BRWD1: variants seen among roughly 807,000 people sequenced by gnomAD.
The protein encoded by BRWD1 is bromodomain and WD repeat-containing protein 1.
A neutral mutation model predicts 251.2 loss-of-function variants in BRWD1; 82 were observed. The observed-to-expected ratio is 0.33, with a 90% CI of 0.27 to 0.39. The LOEUF (loss-of-function observed/expected upper bound fraction) is 0.39. Ranked by LOEUF, BRWD1 falls within the 10% of genes least tolerant of loss-of-function variation. The pLI is 1.00. For synonymous variants in BRWD1, 918 were observed against 902.8 expected, an observed-to-expected ratio of 1.02 and a Z score of -0.30; for missense variants, 2,233 against 2,711.6, an observed-to-expected ratio of 0.82 and a Z score of 3.92.
chr21:39,208,404 G>A (rs942193198), intron 36 of BRWD1, among the ~76,000 whole-genome samples: 1 of 152,326 alleles, frequency 6.6e-6, no homozygotes, highest in South Asian at 2.1e-4. Flanking sequence ...CTCAAATTGA[G>A]ACCAGAGGCA....
intron 21 of BRWD1, 55 bp from the exon 22 acceptor site, chr21:39,238,628 TC>T: frequency 8.1e-7 from 1 of 1,240,182 alleles, no homozygotes; most frequent in Non-Finnish European, 1.2e-6. Context: ...ACAACACATG[TC>T]CAGAAAAAAG....
At chr21:39,211,788 T>C (rs1488364353) in intron 34 of BRWD1, among the ~76,000 whole-genome samples, 1 of 152,162 alleles carries the variant, frequency 6.6e-6, no homozygotes, top group African/African-American at 2.4e-5. Context: ...GGTATAACTT[T>C]TCAGTGTTCT....
At chr21:39,249,037 A>AC (rs2034303623) in intron 20 of BRWD1, among the ~76,000 whole-genome samples, 1 of 152,166 alleles carries the variant, frequency 6.6e-6, no homozygotes, top group Non-Finnish European at 1.5e-5. Flanking sequence ...CAGCCATAAA[A>AC]AAAAAACGAG....
chr21:39,282,028 A>G (rs1440579258), intron 8 of BRWD1, among the ~76,000 whole-genome samples: 2 of 151,772 alleles, frequency 1.3e-5, no homozygotes, highest in East Asian at 1.9e-4. Flanking sequence ...ACGTCTATGT[A>G]TAAGTATATG....
intron 29 of BRWD1, among the ~76,000 whole-genome samples, chr21:39,221,017 T>C (rs944524044): frequency 6.6e-6 from 1 of 152,004 alleles, no homozygotes; most frequent in African/African-American, 2.4e-5. Flanking sequence ...TAGCCAGGCA[T>C]GGTGGCACAC....
In BRWD1 at chr21:39,196,715, T is replaced by C. The variant is rs200814449; in HGVS notation, c.6354A>G (p.Ser2118=). The C allele has an allele frequency of 6.2e-7, 1 of 1,613,902 alleles. No homozygotes were observed. Among genetic ancestry groups the C allele is most frequent in the East Asian group, 2.2e-5 (1 of 44,880 alleles). ...PFSKTKVIHD[S]QETAEKEVKR... is the part of the protein sequence containing the mutation. ...TTACTTCCTTCTCTGCTGTTTCCTG[T>C]GAATCATGAATCACTTTTGTCTTAC... Residue 2118 remains serine, a synonymous_variant, in exon 41 of 41, where the codon TCA becomes TCG. Transcript: ENST00000342449.
chr21:39,234,350 C>CT (rs1236867797), intron 23 of BRWD1, among the ~76,000 whole-genome samples: 2 of 152,016 alleles, frequency 1.3e-5, no homozygotes, highest in Non-Finnish European at 2.9e-5. Context: ...GATTTAGAAT[C>CT]TTTTTTACTG....
intron 4 of BRWD1, among the ~76,000 whole-genome samples, chr21:39,301,978 GTTTTTTTT>G (rs750413248): frequency 3.8e-5 from 3 of 79,866 alleles, no homozygotes; most frequent in Non-Finnish European, 6.6e-5. Flanking sequence ...AGCTTTGTGT[GTTTTTTTT>G]TTTTTTTTTT....
At position 39,248,202 on chromosome 21, in the gene BRWD1, TCTCA is replaced by T. The variant is rs1355494026; in HGVS notation, c.2350-374_2350-371del. 2.6e-5 allele frequency among the ~76,000 whole-genome samples: 4 copies of T among 152,162 alleles called. No homozygotes were observed. In the East Asian group the frequency reaches 7.7e-4, roughly 29 times the overall value. ...GCAGTAAGCAACTTCTCAAGGAATT[TCTCA>T]CTATCTCTATACATAGGTGTAAAGA... On this transcript the variant is annotated intron_variant, in intron 20 of 40. Transcript: ENST00000342449.
intron 10 of BRWD1, among the ~76,000 whole-genome samples, chr21:39,277,603 G>A (rs531292002): frequency 2.6e-5 from 4 of 152,090 alleles, no homozygotes; most frequent in East Asian, 3.9e-4. Flanking sequence ...TCACTCTGTC[G>A]CCCAGTCTGG....
Position 39,189,903 on chromosome 21 carries a change from G to A in BRWD1, c.*6356C>T, listed in dbSNP as rs1601216549. Reference sequence around the variant, plus strand: ...GGTGCCATGTGATACTAAGAAGTCAGTAGAATCCCACCAGTCCTACTGCCT... The same window carrying A: ...GGTGCCATGTGATACTAAGAAGTCAATAGAATCCCACCAGTCCTACTGCCT... On this transcript the variant is annotated 3_prime_UTR_variant, in exon 41 of 41. Transcript: ENST00000342449. 5.1e-6 allele frequency: 5 copies of A among 985,378 alleles called. No homozygotes were observed. The African/African-American group carries it at 7.0e-5, about 14-fold the overall frequency. 61.0% of individuals were successfully genotyped at this position (985,378 alleles called of 1,614,324 possible). A position where few individuals can be genotyped will look rare whatever the true frequency, so the allele number is the denominator to read the frequency against.
chr21:39,184,518 A>C (rs979942171), downstream of BRWD1: 1 of 152,246 alleles, frequency 6.6e-6, no homozygotes. Flanking sequence ...AATACATGAC[A>C]TCGCCTGCAT....
chr21:39,302,806 T>A (rs547317713), intron 4 of BRWD1, among the ~76,000 whole-genome samples: 3 of 147,868 alleles, frequency 2.0e-5, no homozygotes, highest in Middle Eastern at 3.6e-3. Flanking sequence ...ATGCCTGTAA[T>A]CCCAGCACTT....
At position 39,187,636 on chromosome 21, in the gene BRWD1, C is replaced by A. The variant is rs1374559051; in HGVS notation, c.*8623G>T. The A allele has an allele frequency of 9.1e-6, 9 of 985,154 alleles. No individual in the cohort carries two copies. The highest frequency in any genetic ancestry group is 1.7e-5 in the African/African-American group (1 of 57,182). The allele number at this position is 985,154 out of a possible 1,614,324, so 61.0% of individuals were successfully genotyped here. ...ATAAGGATGTCACTTAAAACAGTAG[C>A]AGACTTGTAAGAATGGGGTGAAAAG... On this transcript the variant is annotated 3_prime_UTR_variant, in exon 41 of 41. Transcript: ENST00000342449.
chr21:39,301,809 C>A (rs945098355), intron 4 of BRWD1, among the ~76,000 whole-genome samples: 1 of 147,994 alleles, frequency 6.8e-6, no homozygotes, highest in African/African-American at 2.5e-5. Flanking sequence ...AGACCAAAAA[C>A]AACATTATTT....
chr21:39,270,486 T>C, intron 13 of BRWD1, 53 bp from the exon 14 acceptor site: 5 of 1,422,722 alleles, frequency 3.5e-6, no homozygotes, highest in Non-Finnish European at 3.8e-6. Flanking sequence ...GGCTATACAA[T>C]GTATACAATC....
intron 5 of BRWD1, chr21:39,296,576 T>C: frequency 8.5e-7 from 1 of 1,181,102 alleles, no homozygotes; most frequent in Non-Finnish European, 1.1e-6. Flanking sequence ...AACTAACATT[T>C]GTGTAGCACT....
intron 34 of BRWD1, among the ~76,000 whole-genome samples, chr21:39,211,195 T>A (rs2032641885): frequency 6.6e-6 from 1 of 152,208 alleles, no homozygotes; most frequent in African/African-American, 2.4e-5. Context: ...GGCTATTCCA[T>A]GACCTCTCAC....
Position 39,190,401 on chromosome 21 carries a change from A to G in BRWD1, c.*5858T>C. 2 of 985,386 alleles carry G rather than the reference A, an allele frequency of 2.0e-6. No homozygotes were observed. Among genetic ancestry groups the G allele is most frequent in the African/African-American group, 1.7e-5 (1 of 57,366 alleles). 61.0% of individuals were successfully genotyped at this position (985,386 alleles called of 1,614,324 possible). A position where few individuals can be genotyped will look rare whatever the true frequency, so the allele number is the denominator to read the frequency against. ...ATTTAAAACAGATTTGAGAATGAGA[A>G]AAGAATGTCTGACTCAAAATGAAAA... On this transcript the variant is annotated 3_prime_UTR_variant, in exon 41 of 41. Transcript: ENST00000342449.
Sources: gnomAD v4.1 joint callset for allele counts (sites outside exome capture counted in the v4.1 genomes callset) on GRCh38, gnomAD v4.1.1 for gene constraint, MANE v1.5 for transcripts, NCBI Gene and HGNC (gene_info 2026-07-23, HGNC 2026-07-21) for gene names.